Variants in UGT1A10 observed in about 807,000 individuals in gnomAD.
UGT1A10 encodes the protein UDP-glucuronosyltransferase 1A10.
In UGT1A10, 49 loss-of-function variants were observed where a neutral mutation model predicts 45.8. The observed-to-expected ratio is 1.07, with a 90% CI of 0.85 to 1.36. The LOEUF (loss-of-function observed/expected upper bound fraction) is 1.36, where lower values mean the gene tolerates loss of function less well. UGT1A10 is among the 40% of genes most tolerant of loss of function. The probability of loss-of-function intolerance (pLI) is 0.00; values close to 1 mark genes in which losing one functional copy is unlikely to be tolerated. For synonymous variants in UGT1A10, 284 were observed against 249.7 expected (o/e 1.14, Z -1.29); for missense variants, 745 against 668.6 (o/e 1.11, Z -1.26).
Position 233,766,889 on chromosome 2 carries a change from C to T in UGT1A10, c.856-145C>T, listed in dbSNP as rs35858210. ...GGAGAGGAAAATGCTGTAAAACTTA[C>T]ATATTAATAATTTTTTACTCTATCT... On this transcript the variant is annotated intron_variant, in intron 1 of 4. Coordinates refer to ENST00000344644, the MANE Select transcript of UGT1A10 (RefSeq NM_019075.4). 3,026 of 1,464,588 alleles carry T rather than the reference C, an allele frequency of 2.1e-3. 24 individuals are homozygous for T. The highest frequency in any genetic ancestry group is 0.013 in the Middle Eastern group (51 of 4,042). The allele number at this position is 1,464,588 out of a possible 1,614,324, so 90.7% of individuals were successfully genotyped here.
chr2:233,666,779 C>T (rs2074085323), intron 1 of UGT1A10, among the ~76,000 whole-genome samples: 1 of 151,038 alleles, frequency 6.6e-6, no homozygotes, highest in African/African-American at 2.4e-5. Flanking sequence ...AGGTATCTCT[C>T]CTAATGCTAT....
At chr2:233,673,021 A>G (rs1173370783) in intron 1 of UGT1A10, among the ~76,000 whole-genome samples, 1 of 152,186 alleles carries the variant, frequency 6.6e-6, no homozygotes, top group Non-Finnish European at 1.5e-5. Flanking sequence ...TATTCAGCCT[A>G]CATTTTTAAG....
At chr2:233,654,190 G>C (rs1210653761) in intron 1 of UGT1A10, among the ~76,000 whole-genome samples, 1 of 152,070 alleles carries the variant, frequency 6.6e-6, no homozygotes, top group Non-Finnish European at 1.5e-5. Flanking sequence ...AGAAGAAAAA[G>C]TAAAAGAAAA....
intron 1 of UGT1A10, among the ~76,000 whole-genome samples, chr2:233,664,736 C>T (rs538913087): frequency 1.3e-5 from 2 of 152,308 alleles, no homozygotes; most frequent in African/African-American, 4.8e-5. Flanking sequence ...CCAGGCCCCA[C>T]CTCCAACATT....
intron 1 of UGT1A10, among the ~76,000 whole-genome samples, chr2:233,669,111 G>A (rs1237935378): frequency 6.6e-6 from 1 of 152,192 alleles, no homozygotes; most frequent in African/African-American, 2.4e-5. Flanking sequence ...TTTCCCCACA[G>A]AATTGCCTGT....
rs759091845 is a variant in UGT1A10, at chr2:233,672,764, G to GCC, written c.855+35388_855+35389dup. ...ATGATCTTCATTGGTGGTATCAACTGCCATCAGGGAAAGCCGTTGCCTATG... is the reference window on the plus strand; with the variant it reads ...ATGATCTTCATTGGTGGTATCAACTGCCCCATCAGGGAAAGCCGTTGCCTATG... On this transcript the variant is annotated intron_variant, in intron 1 of 4. Transcript: ENST00000344644. 5 of 1,613,770 alleles carry GCC rather than the reference G, an allele frequency of 3.1e-6. No homozygotes were observed. In the South Asian group the frequency reaches 5.5e-5, roughly 18 times the overall value.
chr2:233,760,894 C>A, intron 1 of UGT1A10: 1 of 1,614,174 alleles, frequency 6.2e-7, no homozygotes, highest in Non-Finnish European at 8.5e-7. Context: ...TCATTCAGAT[C>A]ACATGACCTT....
intron 1 of UGT1A10, chr2:233,747,720 G>C: frequency 6.2e-7 from 1 of 1,613,342 alleles, no homozygotes; most frequent in African/African-American, 1.3e-5. Flanking sequence ...AATTCCTGCT[G>C]TGTTTTTTTT....
At chr2:233,671,097 G>T (rs1377285220) in intron 1 of UGT1A10, among the ~76,000 whole-genome samples, 1 of 152,162 alleles carries the variant, frequency 6.6e-6, no homozygotes, top group Non-Finnish European at 1.5e-5. Context: ...CATCACCTCT[G>T]ACCTCAAGGA....
At chr2:233,738,669 A>C (rs1295571840) in intron 1 of UGT1A10, among the ~76,000 whole-genome samples, 2 of 152,218 alleles carry the variant, frequency 1.3e-5, no homozygotes, top group African/African-American at 4.8e-5. Context: ...CTTGAGAGAG[A>C]TGATCTGAAA....
intron 1 of UGT1A10, among the ~76,000 whole-genome samples, chr2:233,701,610 C>A (rs1237229756): frequency 2.0e-5 from 3 of 152,314 alleles, no homozygotes; most frequent in Admixed American, 6.5e-5. Context: ...CACTCCTCAG[C>A]AAACGTAAAA....
chr2:233,761,815 G>A (rs928491400), intron 1 of UGT1A10, among the ~76,000 whole-genome samples: 1 of 152,190 alleles, frequency 6.6e-6, no homozygotes, highest in African/African-American at 2.4e-5. Context: ...GAACAGGAGA[G>A]GCTCCTTCAG....
intron 1 of UGT1A10, chr2:233,672,202 T>G: frequency 6.2e-7 from 1 of 1,614,018 alleles, no homozygotes; most frequent in East Asian, 2.2e-5. Context: ...GGACCGGGAG[T>G]TCAAGGCTTT....
At chr2:233,708,440 C>A (rs1172500075) in intron 1 of UGT1A10, 1 of 152,126 alleles carries the variant, frequency 6.6e-6, no homozygotes, top group African/African-American at 2.4e-5. Context: ...CTGGTATTTA[C>A]CTTCTGCATT....
intron 1 of UGT1A10, among the ~76,000 whole-genome samples, chr2:233,721,208 T>C (rs1235207261): frequency 6.6e-6 from 1 of 152,250 alleles, no homozygotes; most frequent in East Asian, 1.9e-4. Flanking sequence ...ACTGGTTTTC[T>C]TTTCCCCTTA....
chr2:233,754,775 G>T (rs1381490042), intron 1 of UGT1A10: 9 of 1,081,770 alleles, frequency 8.3e-6, no homozygotes, highest in Non-Finnish European at 1.1e-5. Context: ...TTCCCAGGGA[G>T]CCAAAGGAAC....
intron 1 of UGT1A10, among the ~76,000 whole-genome samples, chr2:233,715,756 A>G (rs1346820897): frequency 1.3e-5 from 2 of 152,236 alleles, no homozygotes; most frequent in East Asian, 1.9e-4. Context: ...TGAGTGACAG[A>G]GCGAGGACCC....
intron 1 of UGT1A10, among the ~76,000 whole-genome samples, chr2:233,659,745 ATTC>A (rs1479256257): frequency 3.3e-5 from 5 of 152,206 alleles, no homozygotes; most frequent in Admixed American, 6.5e-5. Flanking sequence ...TATAGTATGA[ATTC>A]TTCTTCACCA....
At chr2:233,750,500 A>G (rs1694475449) in intron 1 of UGT1A10, 1 of 152,024 alleles carries the variant, frequency 6.6e-6, no homozygotes, top group South Asian at 2.1e-4. Flanking sequence ...AGGAGGAGCC[A>G]AATGTTAATT....
Sources: gnomAD v4.1 joint callset for allele counts (sites outside exome capture counted in the v4.1 genomes callset) on GRCh38, gnomAD v4.1.1 for gene constraint, MANE v1.5 for transcripts, NCBI Gene and HGNC (gene_info 2026-07-23, HGNC 2026-07-21) for gene names.